Variants in SPATA1 observed in about 807,000 individuals in gnomAD.
SPATA1 encodes the protein spermatogenesis associated 1.
SPATA1 carries 57 observed loss-of-function variants against 59.6 expected under a neutral mutation model. The ratio of observed to expected loss-of-function variants is 0.96; its 90% CI spans 0.77 to 1.19. The LOEUF (loss-of-function observed/expected upper bound fraction) is 1.19. Ranked by LOEUF, SPATA1 falls within the 50% of genes most tolerant of loss-of-function variation. The probability of loss-of-function intolerance (pLI) is 0.00; values close to 1 mark genes in which losing one functional copy is unlikely to be tolerated. For synonymous variants in SPATA1, 147 were observed against 163.9 expected, an observed-to-expected ratio of 0.90 and a Z score of 0.79; for missense variants, 448 against 480.7, an observed-to-expected ratio of 0.93 and a Z score of 0.64.
At chr1:84,532,541 C>T (rs558748225) in intron 6 of SPATA1, among the ~76,000 whole-genome samples, 10 of 152,240 alleles carry the variant, frequency 6.6e-5, no homozygotes, top group East Asian at 1.9e-4. Flanking sequence ...TTACCTACCC[C>T]GCTCTTGCAG....
At chr1:84,557,533 C>CAA (rs56101174), downstream of SPATA1, among the ~76,000 whole-genome samples, 28 of 55,390 alleles carry the variant, frequency 5.1e-4, no homozygotes, top group South Asian at 7.2e-4. Context: ...AACTCCATCT[C>CAA]AAAAAAAAAA....
chr1:84,535,487 C>T (rs1408755310), intron 8 of SPATA1, among the ~76,000 whole-genome samples: 1 of 152,088 alleles, frequency 6.6e-6, no homozygotes, highest in Non-Finnish European at 1.5e-5. Flanking sequence ...ATATATTTCT[C>T]TATTTATGTC....
chr1:84,559,986 G>A (rs1483042930), intron 4 of SPATA1, among the ~76,000 whole-genome samples: 3 of 150,298 alleles, frequency 2.0e-5, no homozygotes, highest in Admixed American at 6.6e-5. Context: ...GGGGGAAGCT[G>A]AGGAGTAGAA....
chr1:84,519,382 T>C lies in SPATA1; in HGVS notation c.37-1203T>C, dbSNP rs192060554. On this transcript the variant is annotated intron_variant, in intron 2 of 12. Transcript: ENST00000490879. ...TAAAATAATATTGTCAGATTTAATATGTACTTTAAAATTTTTCAGTATTTT... is the reference window on the plus strand; with the variant it reads ...TAAAATAATATTGTCAGATTTAATACGTACTTTAAAATTTTTCAGTATTTT... Among the ~76,000 whole-genome samples the C allele has an allele frequency of 8.7e-4, 133 of 152,164 alleles. 1 individual carries two copies. The highest frequency in any genetic ancestry group is 5.2e-4 in the Non-Finnish European group (35 of 67,952).
chr1:84,566,049 T>A, exon 5 of SPATA1: 2 of 1,356,524 alleles, frequency 1.5e-6, no homozygotes, highest in Non-Finnish European at 2.0e-6. Flanking sequence ...TGTAATATGA[T>A]CACGTGTGCA....
downstream of SPATA1, among the ~76,000 whole-genome samples, chr1:84,559,095 A>C (rs1049671053): frequency 2.0e-5 from 3 of 152,158 alleles, no homozygotes; most frequent in Non-Finnish European, 4.4e-5. Context: ...GCAGACATTA[A>C]ATTTTTTGCA....
At chr1:84,535,645 A>C (rs1570432127) in intron 8 of SPATA1, among the ~76,000 whole-genome samples, 1 of 152,096 alleles carries the variant, frequency 6.6e-6, no homozygotes. Flanking sequence ...AGTTTATAGA[A>C]ATGTAATTGA....
At chr1:84,537,142 T>G (rs1683729843) in intron 8 of SPATA1, among the ~76,000 whole-genome samples, 1 of 152,010 alleles carries the variant, frequency 6.6e-6, no homozygotes, top group Non-Finnish European at 1.5e-5. Context: ...CCTCCCAAAG[T>G]GCTGAAATTA....
chr1:84,524,096 C>T (rs925389761), intron 4 of SPATA1, among the ~76,000 whole-genome samples: 1 of 151,568 alleles, frequency 6.6e-6, no homozygotes, highest in Admixed American at 6.6e-5. Flanking sequence ...GAGATTACTT[C>T]CAGCAGGGGA....
At chr1:84,566,965 C>A (rs1364223954), downstream of SPATA1, among the ~76,000 whole-genome samples, 1 of 152,190 alleles carries the variant, frequency 6.6e-6, no homozygotes, top group African/African-American at 2.4e-5. Flanking sequence ...CAGCCTTCAA[C>A]AAGAATGTGT....
intron 1 of SPATA1, among the ~76,000 whole-genome samples, chr1:84,511,679 CTT>C (rs1310907189): frequency 0.025 from 1,674 of 67,506 alleles, 64 homozygotes; most frequent in African/African-American, 0.08. Flanking sequence ...TTCTTTCTTT[CTT>C]TTTTTTTTTT....
downstream of SPATA1, chr1:84,555,112 G>A (rs147594119): frequency 1.1e-3 from 1,850 of 1,613,736 alleles, 49 homozygotes; most frequent in South Asian, 0.019. Context: ...CCAATGCCCC[G>A]TAAGCGATAG....
intron 8 of SPATA1, among the ~76,000 whole-genome samples, chr1:84,539,629 A>C (rs1232595309): frequency 5.9e-5 from 9 of 151,988 alleles, no homozygotes; most frequent in Admixed American, 5.9e-4. Flanking sequence ...TGTTTTAAGT[A>C]TTTCTATTGG....
chr1:84,561,652 G>C (rs933581641), intron 4 of SPATA1, among the ~76,000 whole-genome samples: 1 of 152,116 alleles, frequency 6.6e-6, no homozygotes, highest in East Asian at 1.9e-4. Flanking sequence ...AAACTTCACT[G>C]TTGTCTTATT....
chr1:84,541,052 T>C (rs1224168221), intron 8 of SPATA1, among the ~76,000 whole-genome samples: 1 of 152,242 alleles, frequency 6.6e-6, no homozygotes, highest in East Asian at 1.9e-4. Flanking sequence ...ACTACTGATG[T>C]CTTGCTTTAT....
exon 7 of SPATA1, chr1:84,532,921 G>C: frequency 6.4e-7 from 1 of 1,552,248 alleles, no homozygotes; most frequent in Non-Finnish European, 8.7e-7. Context: ...GAAATTCTGA[G>C]TTGCCAGGAT....
chr1:84,563,459 T>G, intron 4 of SPATA1: 1 of 1,381,158 alleles, frequency 7.2e-7, no homozygotes, highest in Non-Finnish European at 9.5e-7. Context: ...TTATCAATTA[T>G]GCAATTCTTA....
At chr1:84,522,431 T>G (rs1558580107) in exon 4 of SPATA1, 2 of 1,530,854 alleles carry the variant, frequency 1.3e-6, no homozygotes, top group Non-Finnish European at 1.8e-6. Context: ...AGGGAGCGTC[T>G]TGGTGAGTTC....
At chr1:84,563,928 C>T (rs1558628310) in intron 4 of SPATA1, 1 of 1,355,458 alleles carries the variant, frequency 7.4e-7, no homozygotes, top group African/African-American at 1.5e-5. Flanking sequence ...TTTGTAAAAA[C>T]AAGTACATTT....
Sources: allele counts gnomAD v4.1 joint callset (sites outside exome capture counted in the v4.1 genomes callset), GRCh38; gene constraint gnomAD v4.1.1; transcripts MANE v1.5; gene names NCBI Gene and HGNC (gene_info 2026-07-23, HGNC 2026-07-21).